The following CDC42BPA variants were observed in gnomAD, a reference collection of about 807,000 sequenced individuals.
The protein encoded by CDC42BPA is serine/threonine-protein kinase MRCK alpha.
Under a neutral mutation model 223.5 loss-of-function variants are expected in CDC42BPA, and 80 were observed. That is an observed-to-expected ratio of 0.36 (90% confidence interval 0.30 to 0.43). The LOEUF (loss-of-function observed/expected upper bound fraction) is 0.43, where lower values mean the gene tolerates loss of function less well. Among genes scored for constraint, CDC42BPA ranks in the 20% least tolerant of loss-of-function variants. The pLI is 1.00. For missense variants in CDC42BPA, 1,743 were observed against 2,099.9 expected (o/e 0.83, Z 3.32); for synonymous variants, 694 against 718.6 (o/e 0.97, Z 0.55).
At chr1:227,202,347 T>C (rs1671931411) in intron 3 of CDC42BPA, among the ~76,000 whole-genome samples, 1 of 152,202 alleles carries the variant, frequency 6.6e-6, no homozygotes, top group Admixed American at 6.5e-5. Context: ...TCCTGTTTTA[T>C]GATTTAACCA....
intron 34 of CDC42BPA, among the ~76,000 whole-genome samples, chr1:227,006,733 G>C (rs375227946): frequency 6.6e-6 from 1 of 152,180 alleles, no homozygotes; most frequent in East Asian, 1.9e-4. Context: ...TCAGGAATTC[G>C]AGACCAGCCT....
intron 1 of CDC42BPA, among the ~76,000 whole-genome samples, chr1:227,282,993 T>G (rs1223154023): frequency 6.8e-6 from 1 of 147,234 alleles, no homozygotes; most frequent in Non-Finnish European, 1.5e-5. Context: ...ATAGTAAATT[T>G]TATGTTATAT....
chr1:227,036,421 C>CTTTTTTT (rs56254464), intron 24 of CDC42BPA, among the ~76,000 whole-genome samples: 2 of 71,132 alleles, frequency 2.8e-5, no homozygotes, highest in Non-Finnish European at 5.1e-5. Context: ...CTTCAATTCA[C>CTTTTTTT]TTTTTTTTTT....
chr1:227,272,984 A>G (rs796597931), intron 1 of CDC42BPA, among the ~76,000 whole-genome samples: 4 of 152,356 alleles, frequency 2.6e-5, no homozygotes, highest in African/African-American at 7.2e-5. Context: ...TATTTTATAC[A>G]TAAGTGAGAT....
chr1:227,162,590 G>A (rs1218364269), intron 5 of CDC42BPA, among the ~76,000 whole-genome samples: 1 of 152,200 alleles, frequency 6.6e-6, no homozygotes, highest in East Asian at 1.9e-4. Context: ...GGAGGCCAAA[G>A]GAGGCCGAGG....
At chr1:227,253,308 G>C (rs1461819391) in intron 2 of CDC42BPA, among the ~76,000 whole-genome samples, 1 of 152,176 alleles carries the variant, frequency 6.6e-6, no homozygotes, top group African/African-American at 2.4e-5. Flanking sequence ...TTACAAGTGA[G>C]TCGAAATTGA....
intron 35 of CDC42BPA, among the ~76,000 whole-genome samples, chr1:226,997,181 T>G (rs1661787792): frequency 6.6e-6 from 1 of 152,344 alleles, no homozygotes; most frequent in East Asian, 1.9e-4. Flanking sequence ...TGGTTTAGAC[T>G]TGGGAAGGTG....
chr1:227,012,610 A>T (rs576965133), intron 34 of CDC42BPA, among the ~76,000 whole-genome samples: 2 of 152,340 alleles, frequency 1.3e-5, no homozygotes, highest in African/African-American at 4.8e-5. Context: ...GATTTGAATA[A>T]ATTAAAATAT....
chr1:227,016,372 T>C (rs1186312945), intron 33 of CDC42BPA, among the ~76,000 whole-genome samples, 175 bp from the exon 34 acceptor site: 1 of 152,214 alleles, frequency 6.6e-6, no homozygotes, highest in Non-Finnish European at 1.5e-5. Context: ...TATTTTGTTT[T>C]AAATTTTAAA....
At chr1:227,049,377 C>T (rs1371383212) in intron 22 of CDC42BPA, among the ~76,000 whole-genome samples, 1 of 151,846 alleles carries the variant, frequency 6.6e-6, no homozygotes, top group Non-Finnish European at 1.5e-5. Context: ...ATCTAACAAG[C>T]AATATGAAAT....
At position 227,033,342 on chromosome 1, in the gene CDC42BPA, T is replaced by C. The variant is rs770377807; in HGVS notation, c.3550A>G (p.Ile1184Val). 23 of 1,604,766 alleles carry C rather than the reference T, an allele frequency of 1.4e-5. No individual in the cohort carries two copies. Among genetic ancestry groups the C allele is most frequent in the Non-Finnish European group, 1.8e-5 (21 of 1,171,684 alleles). The change falls in exon 27 of 37, where the codon ATA (isoleucine) becomes GTA (valine). Residue 1184 changes from isoleucine (I) to valine (V), a missense_variant. Ile to Val is a conservative substitution (Grantham distance 29, BLOSUM62 3). This residue lies in a region of CDC42BPA where 678 missense variants were observed against 777.5 expected (regional missense o/e 0.87). Transcript: ENST00000366766. ...IHASRKDIPCIFRVTASQLSA... is the reference protein window; with the variant it reads ...IHASRKDIPCVFRVTASQLSA... Reference sequence around the variant, plus strand: ...ACAGCATACACACTTACCCTAAATATACAGGGTATATCTTTCCGACTTGCA... The same window carrying C: ...ACAGCATACACACTTACCCTAAATACACAGGGTATATCTTTCCGACTTGCA...
intron 1 of CDC42BPA, among the ~76,000 whole-genome samples, chr1:227,262,113 T>C (rs1056435012): frequency 2.6e-5 from 4 of 151,682 alleles, no homozygotes; most frequent in African/African-American, 9.7e-5. Context: ...TCAAAACAAA[T>C]GGGAAGATTA....
intron 1 of CDC42BPA, among the ~76,000 whole-genome samples, chr1:227,284,789 T>C (rs924813211): frequency 3.3e-5 from 5 of 151,970 alleles, no homozygotes; most frequent in African/African-American, 9.7e-5. Context: ...GGCAAAACCC[T>C]GTCTCTACCC....
At chr1:227,090,840 A>G (rs554127425) in intron 16 of CDC42BPA, among the ~76,000 whole-genome samples, 3 of 152,300 alleles carry the variant, frequency 2.0e-5, no homozygotes, top group Middle Eastern at 3.4e-3. Context: ...TCTGGTTAAT[A>G]TTAGGATTTT....
chr1:227,027,153 T>G (rs757345784), intron 30 of CDC42BPA, among the ~76,000 whole-genome samples: 1 of 152,064 alleles, frequency 6.6e-6, no homozygotes. Context: ...AGATCTGCAG[T>G]TGAAAAGCTG....
At chr1:227,164,401 T>C (rs1161258401) in intron 5 of CDC42BPA, among the ~76,000 whole-genome samples, 1 of 152,236 alleles carries the variant, frequency 6.6e-6, no homozygotes, top group East Asian at 1.9e-4. Context: ...GTATATACAC[T>C]AAACCTATAA....
chr1:227,187,738 T>TA (rs1402061839), intron 5 of CDC42BPA, among the ~76,000 whole-genome samples: 1 of 86,210 alleles, frequency 1.2e-5, no homozygotes, highest in Non-Finnish European at 2.2e-5. Context: ...CTACAGAATA[T>TA]AAAAAAATAA....
rs1318920373 is a variant in CDC42BPA, at chr1:227,002,511, C to T, written c.4975+2483G>A. ...GTCTGTAGCCAGGCTCCAAGATGAT[C>T]GTCCCTTCTAGTATTCACTCGTATG... On this transcript the variant is annotated intron_variant, in intron 35 of 36. Coordinates refer to ENST00000366766, the MANE Select transcript of CDC42BPA (RefSeq NM_001394014.1). Among the ~76,000 whole-genome samples, 5 of 152,176 alleles carry T rather than the reference C, an allele frequency of 3.3e-5. No individual in the cohort carries two copies. The East Asian group carries it at 7.7e-4, about 23-fold the overall frequency.
chr1:227,105,557 T>C (rs1452900934), intron 14 of CDC42BPA, among the ~76,000 whole-genome samples: 1 of 152,022 alleles, frequency 6.6e-6, no homozygotes, highest in Non-Finnish European at 1.5e-5. Flanking sequence ...TCTCACTCTG[T>C]TGCCCAGGCT....
Sources: gnomAD v4.1 joint callset for allele counts (sites outside exome capture counted in the v4.1 genomes callset) on GRCh38, gnomAD v4.1.1 for gene constraint, gnomAD v4.1.1 regional missense constraint, MANE v1.5 for transcripts, NCBI Gene and HGNC (gene_info 2026-07-23, HGNC 2026-07-21) for gene names.